The following SLC12A8 variants were observed in gnomAD, a reference collection of about 807,000 sequenced individuals.
SLC12A8 encodes solute carrier family 12 member 8, also known as cation-chloride cotransporter 9.
A neutral mutation model predicts 75.6 loss-of-function variants in SLC12A8; 69 were observed. The ratio of observed to expected loss-of-function variants is 0.91; its 90% CI spans 0.75 to 1.11. The LOEUF is 1.11. Among genes scored for constraint, SLC12A8 ranks in the 50% most tolerant of loss-of-function variants. SLC12A8 has a pLI of 0.00. For missense variants in SLC12A8, 877 were observed against 896.7 expected, an observed-to-expected ratio of 0.98 and a Z score of 0.28; for synonymous variants, 365 against 372.8, an observed-to-expected ratio of 0.98 and a Z score of 0.24.
chr3:125,205,922 A>G (rs1051119448), intron 2 of SLC12A8, among the ~76,000 whole-genome samples: 2 of 152,106 alleles, frequency 1.3e-5, no homozygotes, highest in Non-Finnish European at 2.9e-5. Flanking sequence ...CCACCCAACC[A>G]TTTGGGCCCC....
At chr3:125,164,725 T>C (rs1934248965) in intron 5 of SLC12A8, among the ~76,000 whole-genome samples, 1 of 152,158 alleles carries the variant, frequency 6.6e-6, no homozygotes, top group African/African-American at 2.4e-5. Context: ...TCTCTGCAGA[T>C]AACAGAGCAG....
chr3:125,204,640 A>G (rs1251437886), intron 2 of SLC12A8, among the ~76,000 whole-genome samples: 1 of 152,198 alleles, frequency 6.6e-6, no homozygotes, highest in African/African-American at 2.4e-5. Flanking sequence ...AGATAAAAAG[A>G]GTAAGTTCTA....
intron 2 of SLC12A8, among the ~76,000 whole-genome samples, chr3:125,194,509 T>A (rs1394801856): frequency 1.3e-5 from 2 of 152,192 alleles, no homozygotes; most frequent in Non-Finnish European, 2.9e-5. Flanking sequence ...CTCTCAATCC[T>A]GCATCCAGCA....
At chr3:125,097,818 T>C (rs1260635187) in intron 10 of SLC12A8, among the ~76,000 whole-genome samples, 1 of 152,050 alleles carries the variant, frequency 6.6e-6, no homozygotes, top group Non-Finnish European at 1.5e-5. Context: ...AAGCAAGTTG[T>C]ACAAACTTGT....
At chr3:125,139,255 G>T (rs1333513727) in intron 5 of SLC12A8, among the ~76,000 whole-genome samples, 1 of 151,998 alleles carries the variant, frequency 6.6e-6, no homozygotes, top group Non-Finnish European at 1.5e-5. Flanking sequence ...AGAGAGAGAG[G>T]GTGAGAACAC....
intron 6 of SLC12A8, among the ~76,000 whole-genome samples, chr3:125,130,434 A>G (rs57563086): frequency 0.27 from 40,883 of 151,634 alleles, 5,857 homozygotes; most frequent in Non-Finnish European, 0.31. Context: ...TCTACTAAAA[A>G]TACAAAAATT....
chr3:125,211,391 T>G lies in SLC12A8; in HGVS notation c.-42A>C, dbSNP rs772688794. The G allele has an allele frequency of 5.1e-6, 8 of 1,560,716 alleles. No individual in the cohort carries two copies. Among genetic ancestry groups the G allele is most frequent in the Non-Finnish European group, 4.4e-6 (5 of 1,131,750 alleles). ...ATCCTGGTGATCTGGACAGGGAGAC[T>G]GCTCTGGAAGGTAACAGCATCCTTG... On this transcript the variant is annotated 5_prime_UTR_variant, in exon 2 of 14. Transcript: ENST00000469902.
At chr3:125,157,140 G>GAA (rs138819648) in intron 5 of SLC12A8, among the ~76,000 whole-genome samples, 2 of 151,166 alleles carry the variant, frequency 1.3e-5, no homozygotes, top group East Asian at 3.9e-4. Context: ...GAAAAAGGAT[G>GAA]AAAAAAAGGC....
chr3:125,092,477 C>T (rs938796415), intron 10 of SLC12A8, among the ~76,000 whole-genome samples: 1 of 152,152 alleles, frequency 6.6e-6, no homozygotes, highest in African/African-American at 2.4e-5. Flanking sequence ...ACTGGAAGCT[C>T]AGCTCTCCCC....
intron 5 of SLC12A8, among the ~76,000 whole-genome samples, chr3:125,136,798 G>A (rs1301108075): frequency 2.0e-5 from 3 of 152,160 alleles, no homozygotes; most frequent in Non-Finnish European, 4.4e-5. Context: ...CTGCAGGCAC[G>A]TTGCTTCTTT....
At chr3:125,168,598 A>G (rs1037211626) in intron 5 of SLC12A8, among the ~76,000 whole-genome samples, 6 of 152,204 alleles carry the variant, frequency 3.9e-5, no homozygotes, top group Non-Finnish European at 7.3e-5. Context: ...AGGAAAACCA[A>G]GAAGAGAGCT....
Position 125,177,871 on chromosome 3 carries a change from A to T in SLC12A8, c.494T>A (p.Leu165His). 1 of 1,614,218 alleles carries T rather than the reference A, an allele frequency of 6.2e-7. No individual in the cohort carries two copies. Among genetic ancestry groups the T allele is most frequent in the East Asian group, 2.2e-5 (1 of 44,892 alleles). ...WAVRGISVAVLLALLGINLAG... is the reference protein window; with the variant it reads ...WAVRGISVAVHLALLGINLAG... ...GAGGTTAATGCCCAGCAAGGCCAGA[A>T]GCACCGCAACTGAAATTCCTCGCAC... The change falls in exon 5 of 14, where the codon CTT (leucine) becomes CAT (histidine). Residue 165 changes from leucine to histidine, a missense_variant. Coordinates refer to ENST00000469902, the MANE Select transcript of SLC12A8 (RefSeq NM_024628.6).
intron 6 of SLC12A8, among the ~76,000 whole-genome samples, chr3:125,134,961 T>C (rs1933452443): frequency 6.6e-6 from 1 of 152,220 alleles, no homozygotes. Flanking sequence ...ACAAGCCCAG[T>C]CACTAGCAAA....
At chr3:125,206,937 C>T (rs1450469387) in intron 2 of SLC12A8, 1 of 152,284 alleles carries the variant, frequency 6.6e-6, no homozygotes, top group Non-Finnish European at 1.5e-5. Context: ...AGAAACCACC[C>T]CCAGGATGGA....
At chr3:125,091,209 T>C (rs940183704) in intron 12 of SLC12A8, among the ~76,000 whole-genome samples, 3 of 152,128 alleles carry the variant, frequency 2.0e-5, no homozygotes, top group Admixed American at 6.6e-5. Context: ...TGGACTATTG[T>C]TATTCATTTT....
intron 10 of SLC12A8, among the ~76,000 whole-genome samples, chr3:125,097,528 TTGTGTGTG>T (rs147038912): frequency 0.28 from 39,165 of 139,102 alleles, 6,155 homozygotes; most frequent in Middle Eastern, 0.49. Flanking sequence ...CTAAAGGGAA[TTGTGTGTG>T]TGTGTGTGTG....
At chr3:125,179,633 T>C (rs945190143) in intron 4 of SLC12A8, among the ~76,000 whole-genome samples, 2 of 151,982 alleles carry the variant, frequency 1.3e-5, no homozygotes, top group Admixed American at 6.6e-5. Context: ...CATCCCATAG[T>C]GGTAAACATT....
intron 5 of SLC12A8, among the ~76,000 whole-genome samples, chr3:125,137,896 T>G (rs535539880): frequency 1.9e-4 from 29 of 152,104 alleles, no homozygotes; most frequent in East Asian, 1.2e-3. Flanking sequence ...ATTCACAAAG[T>G]GCACACTCAC....
Position 125,107,468 on chromosome 3 carries a change from C to A in SLC12A8, c.1705+13G>T, listed in dbSNP as rs780381818. 4 of 1,594,884 alleles carry A rather than the reference C, an allele frequency of 2.5e-6. 1 individual carries two copies. Among genetic ancestry groups the A allele is most frequent in the South Asian group, 2.2e-5 (2 of 89,304 alleles). On this transcript the variant is annotated intron_variant, in intron 10 of 13. Coordinates refer to ENST00000469902, the MANE Select transcript of SLC12A8 (RefSeq NM_024628.6). ...CCAAATAAGAGGCCCCAGTGTGATA[C>A]CAGAGCACTCACCTTCTCCACTGGA...
Sources: gnomAD v4.1 joint callset for allele counts (sites outside exome capture counted in the v4.1 genomes callset) on GRCh38, gnomAD v4.1.1 for gene constraint, MANE v1.5 for transcripts, NCBI Gene and HGNC (gene_info 2026-07-23, HGNC 2026-07-21) for gene names.